The following DENND2C variants were observed in gnomAD, a reference collection of about 807,000 sequenced individuals.
DENND2C encodes DENN domain-containing protein 2C.
A neutral mutation model predicts 112.4 loss-of-function variants in DENND2C; 72 were observed. That is an observed-to-expected ratio of 0.64 (90% CI 0.53 to 0.78). The LOEUF (loss-of-function observed/expected upper bound fraction) is 0.78, where lower values mean the gene tolerates loss of function less well. Ranked by LOEUF, DENND2C falls within the 30% of genes least tolerant of loss-of-function variation. The pLI is 0.00. For missense variants in DENND2C, 992 were observed against 1,113.8 expected, an observed-to-expected ratio of 0.89 and a Z score of 1.56; for synonymous variants, 329 against 381.6, an observed-to-expected ratio of 0.86 and a Z score of 1.61.
chr1:114,640,502 T>A (rs1452462809), intron 3 of DENND2C, among the ~76,000 whole-genome samples: 4 of 152,218 alleles, frequency 2.6e-5, no homozygotes, highest in Non-Finnish European at 5.9e-5. Flanking sequence ...ACACTGCATG[T>A]AAGTATTGCT....
chr1:114,625,944 G>A lies in DENND2C; in HGVS notation c.41C>T (p.Ser14Leu). 1 of 1,613,910 alleles carries A rather than the reference G, an allele frequency of 6.2e-7. No individual in the cohort carries two copies. The highest frequency in any genetic ancestry group is 8.5e-7 in the Non-Finnish European group (1 of 1,179,970). The change falls in exon 4 of 21, where the codon TCA becomes TTA. Residue 14 changes from serine (S) to leucine (L), a missense_variant. Ser to Leu is a moderately radical substitution (Grantham distance 145). Transcript: ENST00000393274. ...GFSRTTVQTL[S>L]RSHCKNIKQK... ...TTTGATGTTTTTGCAGTGGCTTCTT[G>A]ACAGTGTCTGAACAGTAGTACGAGA...
intron 15 of DENND2C, among the ~76,000 whole-genome samples, chr1:114,599,897 C>T (rs561503448): frequency 1.0e-3 from 150 of 146,456 alleles, no homozygotes; most frequent in African/African-American, 3.6e-3. Context: ...TGTTCTCACT[C>T]ATAGGTGGGA....
At chr1:114,608,907 C>G (rs1250971384) in intron 9 of DENND2C, 34 bp from the exon 10 acceptor site, 2 of 1,611,876 alleles carry the variant, frequency 1.2e-6, no homozygotes, top group East Asian at 4.5e-5. Context: ...GTTTTTTTCT[C>G]TGTAGCCCTA....
intron 8 of DENND2C, among the ~76,000 whole-genome samples, chr1:114,615,044 T>G (rs1570774103): frequency 1.3e-5 from 2 of 152,086 alleles, no homozygotes; most frequent in African/African-American, 4.8e-5. Context: ...AGAGTAGTTA[T>G]GAATAGACTG....
At chr1:114,637,390 A>C (rs1328081406) in intron 3 of DENND2C, among the ~76,000 whole-genome samples, 1 of 151,054 alleles carries the variant, frequency 6.6e-6, no homozygotes, top group East Asian at 1.9e-4. Flanking sequence ...AAAAAAAAAG[A>C]AAAGAAAAGA....
rs1319368066 is a variant in DENND2C at position 114,595,819 on chromosome 1, C to T, written c.2325+13G>A. 9 of 1,611,088 alleles carry T rather than the reference C, an allele frequency of 5.6e-6. No homozygotes were observed. The highest frequency in any genetic ancestry group is 7.6e-6 in the Non-Finnish European group (9 of 1,177,492). On this transcript the variant is annotated intron_variant, in intron 17 of 20. Transcript: ENST00000393274. ...ATCCTAAAACATAAGTAATTACCTCCTTTGGCACTCACCTCCTGTAAGAAC... is the reference window on the plus strand; with the variant it reads ...ATCCTAAAACATAAGTAATTACCTCTTTTGGCACTCACCTCCTGTAAGAAC...
Position 114,618,429 on chromosome 1 carries a change from T to C in DENND2C, c.1281A>G (p.Val427=), listed in dbSNP as rs1050613643. Residue 427 remains valine, a synonymous_variant, in exon 8 of 21, where the codon GTA becomes GTG. Transcript: ENST00000393274. ...CCTTTCCAGTGTAAGAATGTAACTT[T>C]ACCTTCTTCTTCCCTCTTTTAGATT... ...IFESKRGKKK[V]KLHSYTGKEL... The C allele has an allele frequency of 4.4e-6, 7 of 1,595,786 alleles. No homozygotes were observed. The highest frequency in any genetic ancestry group is 6.0e-6 in the Non-Finnish European group (7 of 1,173,668).
chr1:114,604,126 G>A (rs1210038732), intron 11 of DENND2C, among the ~76,000 whole-genome samples: 5 of 152,200 alleles, frequency 3.3e-5, no homozygotes, highest in African/African-American at 1.2e-4. Flanking sequence ...AGTGATGGCT[G>A]AGAGATGAGA....
intron 18 of DENND2C, among the ~76,000 whole-genome samples, chr1:114,590,544 T>A (rs903326095): frequency 3.9e-5 from 6 of 152,076 alleles, no homozygotes; most frequent in African/African-American, 1.2e-4. Flanking sequence ...TTTGGGAGGC[T>A]GAGGCGGGCG....
chr1:114,607,666 A>G (rs528864187), intron 10 of DENND2C, among the ~76,000 whole-genome samples: 8 of 152,272 alleles, frequency 5.3e-5, no homozygotes, highest in Non-Finnish European at 1.0e-4. Flanking sequence ...ATCCTGGCAA[A>G]TATTAGGTAT....
chr1:114,652,853 G>C (rs1657209488), intron 2 of DENND2C, among the ~76,000 whole-genome samples: 1 of 151,074 alleles, frequency 6.6e-6, no homozygotes, highest in South Asian at 2.1e-4. Context: ...TCTCCCACAT[G>C]CTTTAAATAA....
At chr1:114,593,035 G>A (rs1004263189) in intron 18 of DENND2C, among the ~76,000 whole-genome samples, 2 of 152,012 alleles carry the variant, frequency 1.3e-5, no homozygotes, top group African/African-American at 4.8e-5. Context: ...GTCTCATTAT[G>A]TTGCCCAGGC....
intron 16 of DENND2C, among the ~76,000 whole-genome samples, chr1:114,598,445 T>G (rs550646162): frequency 2.6e-5 from 4 of 151,444 alleles, no homozygotes; most frequent in African/African-American, 9.7e-5. Context: ...TAGGGAGGAA[T>G]GCCAAGGGGT....
chr1:114,621,923 G>T lies in DENND2C; in HGVS notation c.1199C>A (p.Ala400Glu). 6.4e-7 allele frequency: 1 copy of T among 1,550,608 alleles called. No homozygotes were observed. The highest frequency in any genetic ancestry group is 1.2e-5 in the South Asian group (1 of 84,062). Residue 400 changes from alanine to glutamate, a missense_variant, in exon 7 of 21, where the codon GCA becomes GAA. Transcript: ENST00000393274. Reference protein sequence around the residue: ...EWKLFRAGEVANTKRKNLPRL... With the variant: ...EWKLFRAGEVENTKRKNLPRL... ...TGGAAGATTTTTCCTTTTCGTGTTT[G>T]CAACTTCACCAGCTCGGAAAAGCTT...
intron 1 of DENND2C, among the ~76,000 whole-genome samples, chr1:114,669,044 G>T (rs1657719381): frequency 6.6e-6 from 1 of 152,162 alleles, no homozygotes; most frequent in Admixed American, 6.6e-5. Flanking sequence ...CTCAAACAAT[G>T]GGGGTCACTT....
At chr1:114,595,721 A>G in intron 17 of DENND2C, 111 bp downstream of exon 17, 2 of 1,007,056 alleles carry the variant, frequency 2.0e-6, no homozygotes, top group South Asian at 2.8e-5. Context: ...TGTAGGAACT[A>G]AAAGTTTTGC....
chr1:114,622,589 A>C (rs1656195675), intron 6 of DENND2C, among the ~76,000 whole-genome samples: 1 of 152,120 alleles, frequency 6.6e-6, no homozygotes, highest in Non-Finnish European at 1.5e-5. Flanking sequence ...CAAGGTAATC[A>C]AATTCCCAGA....
At chr1:114,652,297 A>C (rs750219207) in intron 2 of DENND2C, among the ~76,000 whole-genome samples, 1 of 152,208 alleles carries the variant, frequency 6.6e-6, no homozygotes, top group Non-Finnish European at 1.5e-5. Flanking sequence ...GGATATACAT[A>C]TATCTATATA....
rs1656000586 is a variant in DENND2C at position 114,617,353 on chromosome 1, CA to C, written c.1324+1032del. On this transcript the variant is annotated intron_variant, in intron 8 of 20. Transcript: ENST00000393274. ...TGAGATGGAGTCTCACTCTGTCACC[CA>C]GGCTGCAGTGCAGTGGCGCGATCTC... Among the ~76,000 whole-genome samples the C allele has an allele frequency of 2.0e-5, 3 of 152,258 alleles. No homozygotes were observed. In the South Asian group the frequency reaches 6.2e-4, roughly 32 times the overall value.
Sources: allele counts gnomAD v4.1 joint callset (sites outside exome capture counted in the v4.1 genomes callset), GRCh38; gene constraint gnomAD v4.1.1; transcripts MANE v1.5; gene names NCBI Gene and HGNC (gene_info 2026-07-23, HGNC 2026-07-21).